The following ASCC3 variants were observed in gnomAD, a reference collection of about 807,000 sequenced individuals.
ASCC3 encodes ASC-1 complex subunit P200.
A neutral mutation model predicts 256.3 loss-of-function variants in ASCC3; 158 were observed. The observed-to-expected ratio is 0.62, with a 90% CI of 0.54 to 0.70. The LOEUF (loss-of-function observed/expected upper bound fraction) is 0.70, where lower values mean the gene tolerates loss of function less well. Among genes scored for constraint, ASCC3 ranks in the 30% least tolerant of loss-of-function variants. The pLI, the probability that ASCC3 is intolerant of heterozygous loss-of-function variation, is 0.00. For missense variants in ASCC3, 2,259 were observed against 2,626.0 expected (o/e 0.86, Z 3.05); for synonymous variants, 948 against 883.4 (o/e 1.07, Z -1.30).
chr6:100,534,337 C>A (rs1775063025), intron 37 of ASCC3, among the ~76,000 whole-genome samples: 1 of 152,200 alleles, frequency 6.6e-6, no homozygotes, highest in South Asian at 2.1e-4. Context: ...AGACATTTAT[C>A]ATTAGTTCTG....
chr6:100,530,927 G>A, intron 37 of ASCC3: 1 of 1,355,618 alleles, frequency 7.4e-7, no homozygotes. Flanking sequence ...TCTTCTTTTA[G>A]ACTTCAGTAC....
intron 1 of ASCC3, among the ~76,000 whole-genome samples, chr6:100,880,811 C>G (rs1004145134): frequency 1.3e-5 from 2 of 152,202 alleles, no homozygotes; most frequent in African/African-American, 4.8e-5. Context: ...AACACTTGGA[C>G]AATATGTAGC....
chr6:100,647,560 T>A (rs1439143822), intron 20 of ASCC3, 109 bp from the exon 21 acceptor site: 4 of 925,454 alleles, frequency 4.3e-6, no homozygotes, highest in African/African-American at 3.3e-5. Flanking sequence ...TCAAGCTGCA[T>A]CCTTGAATTG....
chr6:100,818,994 G>A (rs947182605), intron 4 of ASCC3, among the ~76,000 whole-genome samples: 42 of 152,258 alleles, frequency 2.8e-4, no homozygotes, highest in African/African-American at 9.1e-4. Flanking sequence ...CCATAAAAAG[G>A]ATGAGTTCAT....
intron 22 of ASCC3, among the ~76,000 whole-genome samples, chr6:100,644,626 T>C (rs577709152): frequency 3.3e-4 from 50 of 152,278 alleles, no homozygotes; most frequent in Non-Finnish European, 5.3e-4. Flanking sequence ...CGCTCTTCCT[T>C]GCAGAACCCA....
chr6:100,570,528 T>C (rs1056419996), intron 36 of ASCC3, among the ~76,000 whole-genome samples: 2 of 152,148 alleles, frequency 1.3e-5, no homozygotes, highest in African/African-American at 2.4e-5. Flanking sequence ...CTGGATGTTT[T>C]CCTTTTTGCT....
chr6:100,814,217 G>A (rs1770630761), intron 4 of ASCC3, among the ~76,000 whole-genome samples: 1 of 152,110 alleles, frequency 6.6e-6, no homozygotes, highest in Non-Finnish European at 1.5e-5. Context: ...TTTGTCTTTA[G>A]TTCTGTTTTT....
chr6:100,583,852 G>A (rs1771471853), intron 36 of ASCC3, among the ~76,000 whole-genome samples: 1 of 152,158 alleles, frequency 6.6e-6, no homozygotes, highest in African/African-American at 2.4e-5. Flanking sequence ...GTACCCAGTG[G>A]TCATTCAGGA....
At chr6:100,590,421 C>T (rs974708932) in intron 34 of ASCC3, among the ~76,000 whole-genome samples, 3 of 152,138 alleles carry the variant, frequency 2.0e-5, no homozygotes, top group African/African-American at 7.2e-5. Flanking sequence ...CCTGAATGTG[C>T]ATCCCTGCAA....
intron 14 of ASCC3, among the ~76,000 whole-genome samples, chr6:100,671,933 C>T (rs1275259720): frequency 6.6e-6 from 1 of 152,000 alleles, no homozygotes; most frequent in Non-Finnish European, 1.5e-5. Context: ...CACATAGTTG[C>T]CATCTGCCAC....
chr6:100,560,860 C>T (rs1353745211), intron 36 of ASCC3, among the ~76,000 whole-genome samples: 1 of 151,464 alleles, frequency 6.6e-6, no homozygotes, highest in East Asian at 1.9e-4. Context: ...GTTTGCATTT[C>T]CTTGGTGCTT....
At chr6:100,617,367 T>C (rs1304060110) in intron 30 of ASCC3, among the ~76,000 whole-genome samples, 3 of 151,852 alleles carry the variant, frequency 2.0e-5, no homozygotes, top group Non-Finnish European at 4.4e-5. Context: ...CCCTCTGTTC[T>C]TTTATCTGTT....
At chr6:100,852,467 G>C (rs1772729402) in intron 3 of ASCC3, among the ~76,000 whole-genome samples, 1 of 152,012 alleles carries the variant, frequency 6.6e-6, no homozygotes, top group South Asian at 2.1e-4. Flanking sequence ...TGAGAATCCT[G>C]TTCCGAAATA....
At chr6:100,579,297 G>T (rs761480754) in intron 36 of ASCC3, among the ~76,000 whole-genome samples, 1 of 151,606 alleles carries the variant, frequency 6.6e-6, no homozygotes, top group East Asian at 1.9e-4. Context: ...TAGGCTGTCT[G>T]TTTACTCTAC....
In ASCC3 at chr6:100,530,884, T is replaced by G. The variant is rs138873636; in HGVS notation, c.5775+9279A>C. On this transcript the variant is annotated intron_variant, in intron 37 of 41. Transcript: ENST00000369162. ...TTATGGAATAAATTTTTGTGGAACA[T>G]CACAAACAATCAATACCAAAAGACA... 2.4e-4 allele frequency: 302 copies of G among 1,267,622 alleles called. No individual in the cohort carries two copies. The African/African-American group carries it at 3.3e-3, about 14-fold the overall frequency. The allele number at this position is 1,267,622 out of a possible 1,614,324, so 78.5% of individuals were successfully genotyped here. A position where few individuals can be genotyped will look rare whatever the true frequency, so the allele number is the denominator to read the frequency against.
intron 4 of ASCC3, among the ~76,000 whole-genome samples, chr6:100,813,637 G>A (rs998971679): frequency 1.1e-4 from 16 of 151,972 alleles, no homozygotes; most frequent in Non-Finnish European, 2.1e-4. Context: ...TTGTGTGTGC[G>A]TGTATGTGTG....
At chr6:100,595,710 C>T (rs1201930834) in intron 34 of ASCC3, among the ~76,000 whole-genome samples, 1 of 152,100 alleles carries the variant, frequency 6.6e-6, no homozygotes. Flanking sequence ...CACTTGGGAG[C>T]TGTGCTATTG....
chr6:100,745,746 T>C (rs1780636122), intron 10 of ASCC3, among the ~76,000 whole-genome samples: 1 of 152,194 alleles, frequency 6.6e-6, no homozygotes, highest in South Asian at 2.1e-4. Flanking sequence ...TTAATTTTAT[T>C]TAATTTTAAT....
chr6:100,528,099 C>G (rs74957738), intron 37 of ASCC3, among the ~76,000 whole-genome samples: 3,759 of 152,102 alleles, frequency 0.025, 144 homozygotes, highest in African/African-American at 0.085. Context: ...TCAGCTCCCC[C>G]CTGTTGGGAT....
Sources: gnomAD v4.1 joint callset for allele counts (sites outside exome capture counted in the v4.1 genomes callset) on GRCh38, gnomAD v4.1.1 for gene constraint, MANE v1.5 for transcripts, NCBI Gene and HGNC (gene_info 2026-07-23, HGNC 2026-07-21) for gene names.